The following FBXO25 variants were observed in gnomAD, a reference collection of about 807,000 sequenced individuals.
The protein encoded by FBXO25 is F-box protein 25.
In FBXO25, 45 loss-of-function variants were observed where a neutral mutation model predicts 51.9. The ratio of observed to expected loss-of-function variants is 0.87; its 90% CI spans 0.68 to 1.11. FBXO25 has a LOEUF of 1.11. Ranked by LOEUF, FBXO25 falls within the 50% of genes most tolerant of loss-of-function variation. The pLI is 0.00. For missense variants in FBXO25, 507 were observed against 428.5 expected, an observed-to-expected ratio of 1.18 and a Z score of -1.62; for synonymous variants, 199 against 151.0, an observed-to-expected ratio of 1.32 and a Z score of -2.33.
chr8:446,945 A>G (rs953082428), intron 5 of FBXO25, among the ~76,000 whole-genome samples: 1 of 152,208 alleles, frequency 6.6e-6, no homozygotes, highest in African/African-American at 2.4e-5. Flanking sequence ...CTCCATTTTC[A>G]GAGAAATAAG....
chr8:466,229 C>T (rs1359309255), intron 9 of FBXO25, among the ~76,000 whole-genome samples: 1 of 152,256 alleles, frequency 6.6e-6, no homozygotes, highest in Non-Finnish European at 1.5e-5. Flanking sequence ...ATCTCCTCCG[C>T]CGTGGGTTTG....
At position 419,944 on chromosome 8, in the gene FBXO25, G is replaced by A. The variant is rs563251353; in HGVS notation, c.134+6731G>A. 2.6e-5 allele frequency among the ~76,000 whole-genome samples: 4 copies of A among 152,162 alleles called. No individual in the cohort carries two copies. The South Asian group carries it at 8.3e-4, about 32-fold the overall frequency. ...TAAGAAAACAACCCAGTAAAAAATT[G>A]GGCAATAGTTTCGGTGAACCTGTAC... On this transcript the variant is annotated intron_variant, in intron 2 of 9. Coordinates refer to ENST00000350302, the MANE Select transcript of FBXO25 (RefSeq NM_183420.2).
At chr8:453,464 C>T (rs189594766) in intron 7 of FBXO25, among the ~76,000 whole-genome samples, 113 of 152,186 alleles carry the variant, frequency 7.4e-4, no homozygotes, top group Non-Finnish European at 1.4e-3. Context: ...GGAGTTTTAC[C>T]TTTCTGGGAA....
chr8:451,189 A>C, intron 6 of FBXO25, 80 bp from the exon 7 acceptor site: 4 of 1,233,970 alleles, frequency 3.2e-6, no homozygotes, highest in Non-Finnish European at 4.5e-6. Context: ...ATCAGTGGAC[A>C]TTTGGGTTAT....
chr8:440,083 C>T (rs1181575322), intron 5 of FBXO25, among the ~76,000 whole-genome samples: 5 of 152,194 alleles, frequency 3.3e-5, no homozygotes, highest in African/African-American at 1.2e-4. Context: ...TGAGCCCTCC[C>T]AGGCGGGGAC....
chr8:430,964 G>C (rs1422633945), intron 2 of FBXO25, among the ~76,000 whole-genome samples: 1 of 152,090 alleles, frequency 6.6e-6, no homozygotes, highest in African/African-American at 2.4e-5. Context: ...ACTCAGCATG[G>C]GGAAGGTATA....
intron 8 of FBXO25, among the ~76,000 whole-genome samples, chr8:458,878 T>A (rs944832733): frequency 1.1e-4 from 17 of 152,168 alleles, no homozygotes; most frequent in African/African-American, 4.1e-4. Context: ...ATGAATCAGA[T>A]TCCAGTTCTT....
chr8:463,131 G>A lies in FBXO25; in HGVS notation c.968G>A (p.Cys323Tyr). ...YGDTLHFCRHCSILFWKDSGH... is the reference protein window; with the variant it reads ...YGDTLHFCRHYSILFWKDSGH... The stretch of plus-strand genomic sequence containing the variant: ...GACACACTGCATTTCTGTCGGCACT[G>A]CAGCATTCTCTTTTGGAAGGTACTG... The change falls in exon 9 of 10, where the codon TGC becomes TAC. Residue 323 changes from cysteine (C) to tyrosine (Y), a missense_variant. By Grantham distance (194) the Cys-to-Tyr change is radical. Transcript: ENST00000350302. 2 of 1,611,680 alleles carry A rather than the reference G, an allele frequency of 1.2e-6. No homozygotes were observed. The highest frequency in any genetic ancestry group is 1.7e-6 in the Non-Finnish European group (2 of 1,179,586).
chr8:451,838 C>T (rs1245266093), intron 7 of FBXO25, among the ~76,000 whole-genome samples: 1 of 152,104 alleles, frequency 6.6e-6, no homozygotes, highest in Non-Finnish European at 1.5e-5. Context: ...TGTCTTCTTC[C>T]TTGCTGTCTT....
At chr8:468,067 A>C in intron 9 of FBXO25, 1 of 1,149,944 alleles carries the variant, frequency 8.7e-7, no homozygotes. Flanking sequence ...CACTGACCCC[A>C]GAGCCTCTGG....
At chr8:420,490 G>A (rs185673012) in intron 2 of FBXO25, 23 of 152,314 alleles carry the variant, frequency 1.5e-4, no homozygotes, top group African/African-American at 5.1e-4. Flanking sequence ...GCATGTGACT[G>A]TTAATAGAGT....
intron 5 of FBXO25, among the ~76,000 whole-genome samples, chr8:445,951 A>G (rs1343007009): frequency 6.6e-6 from 1 of 151,908 alleles, no homozygotes; most frequent in Non-Finnish European, 1.5e-5. Context: ...GATGGAGGGG[A>G]TTATTCCTCA....
chr8:476,961 C>T lies in FBXO25; in HGVS notation c.*8157C>T, dbSNP rs1384187109. Reference sequence around the variant, plus strand: ...GTTACAAATTTCCCTCCTACCACTGCTTTGACTGTACCTGTTTTTTTGTAT... The same window carrying T: ...GTTACAAATTTCCCTCCTACCACTGTTTTGACTGTACCTGTTTTTTTGTAT... On this transcript the variant is annotated 3_prime_UTR_variant, in exon 10 of 10. Coordinates refer to ENST00000350302, the MANE Select transcript of FBXO25 (RefSeq NM_183420.2). 1 of 150,418 alleles carries T rather than the reference C, an allele frequency of 6.6e-6. No individual in the cohort carries two copies. Among genetic ancestry groups the T allele is most frequent in the Non-Finnish European group, 1.5e-5 (1 of 67,918 alleles). 9.3% of individuals were successfully genotyped at this position (150,418 alleles called of 1,614,324 possible).
chr8:444,673 C>G (rs888429307), intron 5 of FBXO25, among the ~76,000 whole-genome samples: 2 of 152,106 alleles, frequency 1.3e-5, no homozygotes, highest in African/African-American at 2.4e-5. Flanking sequence ...CAGTCATGCA[C>G]TACATAACGA....
chr8:458,568 A>G lies in FBXO25; in HGVS notation c.843+17A>G. The G allele has an allele frequency of 6.2e-7, 1 of 1,612,374 alleles. No homozygotes were observed. The highest frequency in any genetic ancestry group is 1.3e-5 in the African/African-American group (1 of 75,054). On this transcript the variant is annotated intron_variant, in intron 8 of 9. Coordinates refer to ENST00000350302, the MANE Select transcript of FBXO25 (RefSeq NM_183420.2). ...GAAAAGCAGGTGAGTGGGATGCAGC[A>G]GTCTCCCCTCAGGCTGGGAGTTTAT... is the stretch of plus-strand genomic sequence containing the variant.
intron 5 of FBXO25, among the ~76,000 whole-genome samples, chr8:437,361 A>G (rs148206317): frequency 2.1e-3 from 326 of 152,360 alleles, no homozygotes; most frequent in Non-Finnish European, 3.6e-3. Flanking sequence ...CTCAGGAAGC[A>G]AAAGGGCTGC....
intron 8 of FBXO25, 48 bp downstream of exon 8, chr8:458,599 C>G: frequency 6.3e-7 from 1 of 1,583,348 alleles, no homozygotes; most frequent in African/African-American, 1.3e-5. Flanking sequence ...TTTATAGACT[C>G]TGCCTGGGGG....
At chr8:429,146 C>G (rs1280405573) in intron 2 of FBXO25, among the ~76,000 whole-genome samples, 1 of 152,202 alleles carries the variant, frequency 6.6e-6, no homozygotes, top group Non-Finnish European at 1.5e-5. Context: ...ATACCATCCT[C>G]CATTCCCACC....
chr8:421,639 G>T (rs1355972110), intron 2 of FBXO25, among the ~76,000 whole-genome samples: 1 of 152,180 alleles, frequency 6.6e-6, no homozygotes, highest in African/African-American at 2.4e-5. Flanking sequence ...GTCTATGCAT[G>T]TGTGAGTTAG....
Sources: gnomAD v4.1 joint callset for allele counts (sites outside exome capture counted in the v4.1 genomes callset) on GRCh38, gnomAD v4.1.1 for gene constraint, MANE v1.5 for transcripts, NCBI Gene and HGNC (gene_info 2026-07-23, HGNC 2026-07-21) for gene names.